The following FHIT variants were observed in gnomAD, a reference collection of about 807,000 sequenced individuals.
FHIT encodes the protein bis(5'-adenosyl)-triphosphatase.
FHIT carries 19 observed loss-of-function variants against 17.9 expected under a neutral mutation model. The ratio of observed to expected loss-of-function variants is 1.06; its 90% CI spans 0.74 to 1.56. FHIT has a LOEUF of 1.56. FHIT is among the 40% of genes most tolerant of loss of function. The pLI is 0.00. For synonymous variants in FHIT, 81 were observed against 69.7 expected (o/e 1.16, Z -0.81); for missense variants, 248 against 189.2 (o/e 1.31, Z -1.82).
intron 4 of FHIT, among the ~76,000 whole-genome samples, chr3:60,738,445 G>A (rs370176544): frequency 5.9e-5 from 9 of 152,166 alleles, no homozygotes; most frequent in South Asian, 2.1e-4. Context: ...TAAACAAGCC[G>A]TCTTAGATCA....
Position 61,212,594 on chromosome 3 carries a change from G to A in FHIT, c.-212-11929C>T, listed in dbSNP as rs539330441. On this transcript the variant is annotated intron_variant, in intron 1 of 9. Coordinates refer to ENST00000492590, the MANE Select transcript of FHIT (RefSeq NM_002012.4). ...AAACACTCTGCAGGATATTATCCAGGAGAACTTCCCCAATCTAGCAAGGCA... is the reference window on the plus strand; with the variant it reads ...AAACACTCTGCAGGATATTATCCAGAAGAACTTCCCCAATCTAGCAAGGCA... 1.0e-3 allele frequency among the ~76,000 whole-genome samples: 159 copies of A among 152,300 alleles called. 1 individual carries two copies. Among genetic ancestry groups the A allele is most frequent in the African/African-American group, 3.4e-3 (141 of 41,550 alleles).
At chr3:61,054,565 A>G (rs909449294) in intron 2 of FHIT, among the ~76,000 whole-genome samples, 4 of 152,116 alleles carry the variant, frequency 2.6e-5, no homozygotes, top group Non-Finnish European at 2.9e-5. Flanking sequence ...AATGTTTTTG[A>G]TTTGTGACTC....
intron 7 of FHIT, among the ~76,000 whole-genome samples, chr3:59,947,827 C>T (rs1294898954): frequency 6.6e-6 from 1 of 152,150 alleles, no homozygotes; most frequent in Non-Finnish European, 1.5e-5. Flanking sequence ...CATGTGCTGG[C>T]AACAGTGGCA....
intron 4 of FHIT, among the ~76,000 whole-genome samples, chr3:60,675,257 C>T (rs1000899969): frequency 6.6e-6 from 1 of 152,232 alleles, no homozygotes; most frequent in Non-Finnish European, 1.5e-5. Flanking sequence ...TTTAGTATCT[C>T]TCTCCACTAC....
At chr3:60,929,775 T>C (rs1161137844) in intron 3 of FHIT, among the ~76,000 whole-genome samples, 2 of 152,108 alleles carry the variant, frequency 1.3e-5, no homozygotes, top group African/African-American at 4.8e-5. Flanking sequence ...ATTGTGAAAA[T>C]GGCCATACTG....
intron 4 of FHIT, among the ~76,000 whole-genome samples, chr3:60,602,170 A>G (rs782091634): frequency 3.9e-5 from 6 of 152,204 alleles, no homozygotes; most frequent in Non-Finnish European, 7.3e-5. Flanking sequence ...AACTGAATCC[A>G]TGGGTGGAAA....
intron 5 of FHIT, among the ~76,000 whole-genome samples, chr3:60,160,598 G>A (rs1225915732): frequency 1.3e-5 from 2 of 152,160 alleles, no homozygotes; most frequent in African/African-American, 2.4e-5. Flanking sequence ...ATCGAGTAGA[G>A]AAAGAAAATG....
intron 5 of FHIT, among the ~76,000 whole-genome samples, chr3:60,241,562 T>G (rs1705131215): frequency 6.6e-6 from 1 of 151,928 alleles, no homozygotes; most frequent in Non-Finnish European, 1.5e-5. Flanking sequence ...TTTGTAAGGG[T>G]TGAAAGAAAG....
intron 8 of FHIT, among the ~76,000 whole-genome samples, chr3:59,811,943 G>A (rs574903278): frequency 3.9e-5 from 6 of 152,282 alleles, no homozygotes; most frequent in East Asian, 3.9e-4. Context: ...AGGAAGCCTT[G>A]TGCCCCCTTG....
At chr3:60,416,667 G>T (rs538752916) in intron 5 of FHIT, among the ~76,000 whole-genome samples, 1 of 152,096 alleles carries the variant, frequency 6.6e-6, no homozygotes, top group East Asian at 1.9e-4. Context: ...CTTGCAGGCT[G>T]TAACAAAACA....
intron 2 of FHIT, among the ~76,000 whole-genome samples, chr3:61,096,819 G>A (rs2035653082): frequency 6.6e-6 from 1 of 152,052 alleles, no homozygotes; most frequent in Non-Finnish European, 1.5e-5. Flanking sequence ...AAAGTGAGCT[G>A]GAAAAAAGAG....
At chr3:61,066,343 G>A (rs1163449064) in intron 2 of FHIT, among the ~76,000 whole-genome samples, 2 of 152,162 alleles carry the variant, frequency 1.3e-5, no homozygotes, top group Non-Finnish European at 2.9e-5. Flanking sequence ...GCCGGGCATG[G>A]TGGCTCACAC....
chr3:60,896,621 T>G (rs918603078), intron 3 of FHIT, among the ~76,000 whole-genome samples: 8 of 152,346 alleles, frequency 5.3e-5, no homozygotes, highest in African/African-American at 1.7e-4. Flanking sequence ...CTTCTGTTGT[T>G]TGATTGAAGG....
At chr3:60,968,198 C>T (rs1384939494) in intron 3 of FHIT, among the ~76,000 whole-genome samples, 3 of 152,170 alleles carry the variant, frequency 2.0e-5, no homozygotes, top group Non-Finnish European at 4.4e-5. Context: ...AGAAGCAAAT[C>T]ACATCTTAGC....
intron 8 of FHIT, among the ~76,000 whole-genome samples, chr3:59,896,227 G>T (rs1012251037): frequency 2.0e-5 from 3 of 152,164 alleles, no homozygotes; most frequent in African/African-American, 7.2e-5. Context: ...CAAGCACAGT[G>T]CCTGGCACAA....
intron 2 of FHIT, among the ~76,000 whole-genome samples, chr3:61,075,069 C>T (rs73110383): frequency 3.7e-4 from 56 of 152,304 alleles, no homozygotes; most frequent in Non-Finnish European, 4.1e-4. Context: ...ACGGAATTGA[C>T]GGCTAGAAAG....
intron 3 of FHIT, among the ~76,000 whole-genome samples, chr3:61,013,056 T>A (rs1237666125): frequency 1.3e-5 from 2 of 152,156 alleles, no homozygotes; most frequent in Non-Finnish European, 2.9e-5. Context: ...ATTTAACAAT[T>A]TTTAAATGTC....
At chr3:59,909,571 C>A (rs1384734423) in intron 8 of FHIT, among the ~76,000 whole-genome samples, 1 of 152,184 alleles carries the variant, frequency 6.6e-6, no homozygotes. Context: ...CTCAAGTGAT[C>A]CGTCCGCCTC....
At chr3:60,003,782 G>A (rs534881044) in intron 7 of FHIT, among the ~76,000 whole-genome samples, 1 of 151,386 alleles carries the variant, frequency 6.6e-6, no homozygotes, top group Non-Finnish European at 1.5e-5. Context: ...CATCTACTGA[G>A]GTTGAATTGG....
Sources: allele counts gnomAD v4.1 joint callset (sites outside exome capture counted in the v4.1 genomes callset), GRCh38; gene constraint gnomAD v4.1.1; transcripts MANE v1.5; gene names NCBI Gene and HGNC (gene_info 2026-07-23, HGNC 2026-07-21).